The following HMCN1 variants were observed in gnomAD, a reference collection of about 807,000 sequenced individuals.
HMCN1 encodes the protein hemicentin-1.
A neutral mutation model predicts 625.9 loss-of-function variants in HMCN1; 321 were observed. The ratio of observed to expected loss-of-function variants is 0.51; its 90% CI spans 0.47 to 0.56. The LOEUF (loss-of-function observed/expected upper bound fraction) is 0.56. HMCN1 is among the 20% of genes least tolerant of loss of function. The probability of loss-of-function intolerance (pLI) is 0.00; values close to 1 mark genes in which losing one functional copy is unlikely to be tolerated. For synonymous variants in HMCN1, 2,425 were observed against 2,417.6 expected (o/e 1.00, Z -0.09); for missense variants, 6,588 against 6,887.3 (o/e 0.96, Z 1.54).
intron 89 of HMCN1, among the ~76,000 whole-genome samples, chr1:186,142,568 G>GT (rs892662157): frequency 2.0e-5 from 3 of 151,970 alleles, no homozygotes; most frequent in East Asian, 1.9e-4. Context: ...TTTAGTTCTT[G>GT]TTTTTTTGCA....
chr1:186,102,126 T>C (rs1217029265), intron 68 of HMCN1, among the ~76,000 whole-genome samples: 1 of 152,146 alleles, frequency 6.6e-6, no homozygotes, highest in Non-Finnish European at 1.5e-5. Context: ...GAAACCATGA[T>C]GAGTTTTTAT....
intron 11 of HMCN1, among the ~76,000 whole-genome samples, chr1:185,962,050 TATC>T (rs555155177): frequency 1.6e-3 from 241 of 152,346 alleles, no homozygotes; most frequent in African/African-American, 4.6e-3. Context: ...CATGGTTTCT[TATC>T]ATAACAAAGT....
chr1:186,044,748 T>C (rs1297221866), intron 40 of HMCN1, among the ~76,000 whole-genome samples: 1 of 152,144 alleles, frequency 6.6e-6, no homozygotes, highest in Non-Finnish European at 1.5e-5. Flanking sequence ...TGTGCTTTAT[T>C]GGAGTGTAAC....
intron 11 of HMCN1, among the ~76,000 whole-genome samples, chr1:185,937,653 G>A (rs1053264832): frequency 1.3e-5 from 2 of 152,000 alleles, no homozygotes; most frequent in African/African-American, 4.8e-5. Flanking sequence ...AGGCCGAGAT[G>A]GGCAGATCAT....
At chr1:186,127,595 A>G (rs936975503) in intron 82 of HMCN1, among the ~76,000 whole-genome samples, 2 of 152,142 alleles carry the variant, frequency 1.3e-5, no homozygotes, top group African/African-American at 4.8e-5. Context: ...CTACAAATGC[A>G]TCAAGAAAGA....
chr1:185,741,535 C>T (rs1405344590), intron 1 of HMCN1, among the ~76,000 whole-genome samples: 1 of 152,128 alleles, frequency 6.6e-6, no homozygotes, highest in Admixed American at 6.6e-5. Context: ...GGGAGACTGA[C>T]TATAAATGGA....
chr1:185,953,012 G>A (rs1649341160), intron 11 of HMCN1, among the ~76,000 whole-genome samples: 2 of 149,582 alleles, frequency 1.3e-5, no homozygotes, highest in Non-Finnish European at 2.9e-5. Flanking sequence ...GGAAATAAGG[G>A]ATTGGGGGGT....
intron 1 of HMCN1, among the ~76,000 whole-genome samples, chr1:185,828,452 CAG>C (rs1203227020): frequency 2.0e-5 from 3 of 151,986 alleles, no homozygotes; most frequent in African/African-American, 7.2e-5. Context: ...AAAACAATAA[CAG>C]AAGATATAGA....
At chr1:185,753,942 T>C (rs760817506) in intron 1 of HMCN1, among the ~76,000 whole-genome samples, 1 of 152,196 alleles carries the variant, frequency 6.6e-6, no homozygotes, top group Non-Finnish European at 1.5e-5. Context: ...GGATTTGAGA[T>C]CAGTATGTAG....
chr1:185,970,547 T>C, intron 15 of HMCN1, 54 bp downstream of exon 15: 3 of 1,429,352 alleles, frequency 2.1e-6, no homozygotes, highest in Non-Finnish European at 3.0e-6. Context: ...ATGTTATTTT[T>C]CATGTTTAAT....
intron 63 of HMCN1, 79 bp from the exon 64 acceptor site, chr1:186,090,679 C>A: frequency 6.7e-7 from 1 of 1,496,282 alleles, no homozygotes; most frequent in Non-Finnish European, 9.3e-7. Context: ...CTAGAAATGT[C>A]ATATTGTTTT....
intron 40 of HMCN1, among the ~76,000 whole-genome samples, chr1:186,043,562 C>T (rs966821644): frequency 2.0e-4 from 31 of 152,186 alleles, no homozygotes; most frequent in African/African-American, 5.3e-4. Context: ...GAATTGCTTC[C>T]GACTTTCACT....
chr1:185,864,487 A>C lies in HMCN1; in HGVS notation c.357A>C (p.Pro119=). ...ELYVQGGGDC[P]EMSIGAIKIA... is the part of the protein sequence containing the mutation. ...CTCAACAGGGTGGTGGTGATTGCCCAGAAATGAGTATTGGAGCTATAAAAA... is the reference window on the plus strand; with the variant it reads ...CTCAACAGGGTGGTGGTGATTGCCCCGAAATGAGTATTGGAGCTATAAAAA... Residue 119 remains proline, a synonymous_variant, in exon 3 of 107, where the codon CCA becomes CCC. Coordinates refer to ENST00000271588, the MANE Select transcript of HMCN1 (RefSeq NM_031935.3). The C allele has an allele frequency of 6.2e-7, 1 of 1,614,080 alleles. No homozygotes were observed. Among genetic ancestry groups the C allele is most frequent in the Non-Finnish European group, 8.5e-7 (1 of 1,179,964 alleles).
Position 186,123,124 on chromosome 1 carries a change from A to G in HMCN1, c.12403A>G (p.Ile4135Val), listed in dbSNP as rs1661476886. The change falls in exon 81 of 107, where the codon ATA becomes GTA. Residue 4135 changes from isoleucine (I) to valine (V), a missense_variant. Transcript: ENST00000271588. ...CGTCCTCAGCTCTGGCTCTCTGCAA[A>G]TAGCATTTGTCCAGCCTGGTGATGC... ...QRVLSSGSLQ[I>V]AFVQPGDAGH... 1.2e-6 allele frequency: 2 copies of G among 1,613,968 alleles called. No homozygotes were observed. Among genetic ancestry groups the G allele is most frequent in the South Asian group, 1.1e-5 (1 of 91,082 alleles).
At chr1:185,909,293 G>T (rs375150314) in intron 4 of HMCN1, 44 bp from the exon 5 acceptor site, 1 of 1,499,668 alleles carries the variant, frequency 6.7e-7, no homozygotes, top group Non-Finnish European at 9.3e-7. Flanking sequence ...ATAAAACTGC[G>T]AATGTTTTCT....
chr1:185,959,625 A>T (rs903400339), intron 11 of HMCN1, among the ~76,000 whole-genome samples: 1 of 151,982 alleles, frequency 6.6e-6, no homozygotes, highest in African/African-American at 2.4e-5. Context: ...GATGATGATG[A>T]TGTTGGTTGC....
chr1:186,076,460 G>C lies in HMCN1; in HGVS notation c.8323G>C (p.Gly2775Arg). 6.2e-7 allele frequency: 1 copy of C among 1,613,610 alleles called. No homozygotes were observed. The highest frequency in any genetic ancestry group is 1.7e-5 in the Admixed American group (1 of 59,934). The change falls in exon 54 of 107, where the codon GGA becomes CGA. Residue 2775 changes from glycine (G) to arginine (R), a missense_variant. Gly to Arg is a moderately radical substitution (Grantham distance 125). Coordinates refer to ENST00000271588, the MANE Select transcript of HMCN1 (RefSeq NM_031935.3). ...AAGTTTTCAGAAACTCTGGGAAATA[G>C]GAAACATGCTAGATACTGGCAGGAA... ...PPSFQKLWEI[G>R]NMLDTGRNGE...
chr1:186,087,977 G>C lies in HMCN1; in HGVS notation c.9409G>C (p.Gly3137Arg). The change falls in exon 61 of 107, where the codon GGA becomes CGA. Residue 3137 changes from glycine (G) to arginine (R), a missense_variant. Coordinates refer to ENST00000271588, the MANE Select transcript of HMCN1 (RefSeq NM_031935.3). ...QYVCRAINVAGRDDKNFHLNV... is the reference protein window; with the variant it reads ...QYVCRAINVARRDDKNFHLNV... Reference sequence around the variant, plus strand: ...TGTATGTAGAGCTATAAATGTAGCAGGACGGGATGATAAAAATTTCCACCT... The same window carrying C: ...TGTATGTAGAGCTATAAATGTAGCACGACGGGATGATAAAAATTTCCACCT... The C allele has an allele frequency of 6.2e-7, 1 of 1,613,144 alleles. No individual in the cohort carries two copies.
At chr1:186,068,868 C>CAA (rs397862240) in intron 50 of HMCN1, among the ~76,000 whole-genome samples, 399 of 75,924 alleles carry the variant, frequency 5.3e-3, no homozygotes, top group Non-Finnish European at 6.9e-3. Context: ...GACTCGGTCT[C>CAA]AAAAAAAAAA....
Sources: allele counts gnomAD v4.1 joint callset (sites outside exome capture counted in the v4.1 genomes callset), GRCh38; gene constraint gnomAD v4.1.1; transcripts MANE v1.5; gene names NCBI Gene and HGNC (gene_info 2026-07-23, HGNC 2026-07-21).